Variants in MYO9B observed in about 807,000 individuals in gnomAD.
MYO9B encodes myosin IXB.
MYO9B carries 71 observed loss-of-function variants against 229.5 expected under a neutral mutation model. That is an observed-to-expected ratio of 0.31 (90% CI 0.26 to 0.38). The LOEUF is 0.38. Among genes scored for constraint, MYO9B ranks in the 10% least tolerant of loss-of-function variants. The pLI is 1.00. For missense variants in MYO9B, 2,255 were observed against 2,920.5 expected (o/e 0.77, Z 5.25); for synonymous variants, 1,185 against 1,235.8 (o/e 0.96, Z 0.86).
intron 10 of MYO9B, among the ~76,000 whole-genome samples, chr19:17,166,489 ATATATT>A (rs2072660610): frequency 1.3e-5 from 2 of 151,626 alleles, no homozygotes; most frequent in East Asian, 1.9e-4. Context: ...TTTGTTACTG[ATATATT>A]TATGTTTTTT....
intron 6 of MYO9B, among the ~76,000 whole-genome samples, chr19:17,156,019 CAAA>C (rs34932047): frequency 7.0e-5 from 8 of 113,546 alleles, no homozygotes; most frequent in Admixed American, 9.0e-5. Flanking sequence ...GACTCTGTCT[CAAA>C]AAAAAAAAAA....
chr19:17,200,377 G>A lies in MYO9B; in HGVS notation c.4323G>A (p.Val1441=). 1 of 1,603,500 alleles carries A rather than the reference G, an allele frequency of 6.2e-7. No individual in the cohort carries two copies. The change falls in exon 25 of 40, where the codon GTG becomes GTA. Residue 1441 remains valine, a synonymous_variant. Transcript: ENST00000682292. The part of the protein sequence containing the change: ...LEGAEELENA[V]SGHVVLEATT... Reference sequence around the variant, plus strand: ...GCGCAGAGGAGCTGGAGAATGCAGTGTCCGGGCACGTGGTGCTGGAAGCCA... The same window carrying A: ...GCGCAGAGGAGCTGGAGAATGCAGTATCCGGGCACGTGGTGCTGGAAGCCA...
At chr19:17,175,590 T>C (rs984814948) in intron 13 of MYO9B, 73 bp from the exon 14 acceptor site, 2 of 1,191,006 alleles carry the variant, frequency 1.7e-6, no homozygotes, top group African/African-American at 3.2e-5. Context: ...AATAAATAAA[T>C]AAAATGGGTT....
At chr19:17,106,081 C>T (rs1474002448) in intron 2 of MYO9B, among the ~76,000 whole-genome samples, 1 of 151,732 alleles carries the variant, frequency 6.6e-6, no homozygotes, top group East Asian at 1.9e-4. Context: ...TAACTCACCG[C>T]AGCCTCGAGA....
chr19:17,188,924 G>A (rs1361214697), intron 19 of MYO9B, among the ~76,000 whole-genome samples: 2 of 150,988 alleles, frequency 1.3e-5, no homozygotes, highest in Non-Finnish European at 1.5e-5. Flanking sequence ...AAGGCAGGTG[G>A]ATCACTTGAG....
chr19:17,202,422 C>T (rs2073117532), intron 28 of MYO9B, 119 bp downstream of exon 28: 2 of 993,076 alleles, frequency 2.0e-6, no homozygotes, highest in Admixed American at 5.0e-5. Flanking sequence ...CCATGCCCTG[C>T]CCATACCACA....
intron 2 of MYO9B, among the ~76,000 whole-genome samples, chr19:17,106,955 T>C (rs1171318219): frequency 1.3e-5 from 2 of 152,066 alleles, no homozygotes; most frequent in Admixed American, 6.6e-5. Context: ...CCCAGGTACT[T>C]CGGAGGCTGA....
At chr19:17,130,751 T>A (rs1599353937) in intron 2 of MYO9B, among the ~76,000 whole-genome samples, 1 of 150,336 alleles carries the variant, frequency 6.7e-6, no homozygotes, top group South Asian at 2.1e-4. Flanking sequence ...CTGGCCTGGG[T>A]GACAGAGCAA....
At chr19:17,079,486 G>A (rs1359695473) in intron 1 of MYO9B, among the ~76,000 whole-genome samples, 1 of 152,188 alleles carries the variant, frequency 6.6e-6, no homozygotes, top group Non-Finnish European at 1.5e-5. Flanking sequence ...TCTGAGATTA[G>A]AGGTATTAGA....
At chr19:17,200,502 G>T in intron 25 of MYO9B, 76 bp downstream of exon 25, 1 of 1,517,122 alleles carries the variant, frequency 6.6e-7, no homozygotes. Context: ...CCCCAAACGG[G>T]GCCTTGAGTT....
At chr19:17,094,079 G>A (rs1185870903) in intron 1 of MYO9B, among the ~76,000 whole-genome samples, 3 of 151,486 alleles carry the variant, frequency 2.0e-5, no homozygotes, top group Non-Finnish European at 4.4e-5. Context: ...TCTGTTCCCC[G>A]GGCTGGAGTG....
In MYO9B at chr19:17,206,296, G is replaced by C. The variant is rs759178722; in HGVS notation, c.5306G>C (p.Gly1769Ala). 2 of 1,564,060 alleles carry C rather than the reference G, an allele frequency of 1.3e-6. No homozygotes were observed. The highest frequency in any genetic ancestry group is 1.7e-6 in the Non-Finnish European group (2 of 1,152,922). Residue 1769 changes from glycine (G) to alanine (A), a missense_variant, in exon 33 of 40, where the codon GGG becomes GCG. Coordinates refer to ENST00000682292, the MANE Select transcript of MYO9B (RefSeq NM_004145.4). ...LENFPIHAIT[G>A]VLKQWLRELP... ...AACTTCCCCATCCACGCCATCACAG[G>C]GGTGCTGAAGCAGTGGCTGCGGGAG...
chr19:17,153,628 C>G (rs1396221625), intron 4 of MYO9B, among the ~76,000 whole-genome samples: 1 of 150,000 alleles, frequency 6.7e-6, no homozygotes, highest in African/African-American at 2.5e-5. Flanking sequence ...CCCAGGAGGT[C>G]GAGGCTGCAG....
rs2072741543 is a variant in MYO9B at position 17,172,907 on chromosome 19, T to C, written c.2084T>C (p.Met695Thr). 1.2e-6 allele frequency: 2 copies of C among 1,601,260 alleles called. No homozygotes were observed. Among genetic ancestry groups the C allele is most frequent in the Non-Finnish European group, 1.7e-6 (2 of 1,179,682 alleles). ...WAVLRAAIRA[M>T]AVLREAGRLR... The stretch of plus-strand genomic sequence containing the variant: ...GTGCTCCGGGCTGCTATCCGGGCCA[T>C]GGCAGTGCTTCGGGAGGCCGGACGC... The change falls in exon 13 of 40, where the codon ATG (methionine) becomes ACG (threonine). Residue 695 changes from methionine to threonine, a missense_variant. By Grantham distance (81) the Met-to-Thr change is moderately conservative. This residue lies in a region of MYO9B where 155 missense variants were observed against 159.1 expected (regional missense o/e 0.97). Coordinates refer to ENST00000682292, the MANE Select transcript of MYO9B (RefSeq NM_004145.4). The surrounding 1 kb of genome is among the most constrained non-coding windows in gnomAD (Gnocchi z 8.2).
intron 18 of MYO9B, 68 bp downstream of exon 18, chr19:17,186,069 G>A: frequency 1.4e-6 from 2 of 1,416,904 alleles, no homozygotes; most frequent in Non-Finnish European, 9.9e-7. Context: ...CGGTGTCCCT[G>A]CATCCAGCCC....
chr19:17,085,119 T>TG (rs1436971898), intron 1 of MYO9B, among the ~76,000 whole-genome samples: 2 of 152,150 alleles, frequency 1.3e-5, no homozygotes, highest in Non-Finnish European at 2.9e-5. Flanking sequence ...GGCACAGGGA[T>TG]GAGCTTCAAG....
chr19:17,130,328 G>A (rs12052199), intron 2 of MYO9B, among the ~76,000 whole-genome samples: 27,050 of 151,422 alleles, frequency 0.18, 2,672 homozygotes, highest in East Asian at 0.29. Flanking sequence ...GAAATTAGCC[G>A]GGCATTGGCC....
rs78549799 is a variant in MYO9B at position 17,135,492 on chromosome 19, G to A, written c.841-9905G>A. Among the ~76,000 whole-genome samples the A allele has an allele frequency of 7.3e-3, 1,113 of 152,180 alleles. 10 individuals carry two copies. The highest frequency in any genetic ancestry group is 0.041 in the Middle Eastern group (12 of 294). ...CCAGCCACCCTTGTGCTTTGAGACC[G>A]TGCGAGCCCCCGGCCAGCCCAGCCA... is the stretch of plus-strand genomic sequence containing the variant. On this transcript the variant is annotated intron_variant, in intron 2 of 39. Coordinates refer to ENST00000682292, the MANE Select transcript of MYO9B (RefSeq NM_004145.4).
In MYO9B at chr19:17,211,928, C is replaced by CGG; in HGVS notation, c.6093_6094insGG (p.Pro2032GlyfsTer22). On this transcript the variant is annotated frameshift_variant, in exon 40 of 40. Coordinates refer to ENST00000682292, the MANE Select transcript of MYO9B (RefSeq NM_004145.4). LOFTEE classifies it low-confidence loss of function (END_TRUNC). ...GCGCCTGCTCTCCCTTGCCCCGGCG[C>CGG]GCCCACCCCGAGCCCCCTCCCCACC... 6.4e-7 allele frequency: 1 copy of CGG among 1,564,426 alleles called. No homozygotes were observed.
Sources: gnomAD v4.1 joint callset for allele counts (sites outside exome capture counted in the v4.1 genomes callset) on GRCh38, gnomAD v4.1.1 for gene constraint, gnomAD v4.1.1 regional missense constraint, Gnocchi (gnomAD v3.1) non-coding constraint, MANE v1.5 for transcripts, NCBI Gene and HGNC (gene_info 2026-07-23, HGNC 2026-07-21) for gene names.